GCC2: variants seen among roughly 807,000 people sequenced by gnomAD.
GCC2 encodes the protein GRIP and coiled-coil domain-containing protein 2.
A neutral mutation model predicts 210.6 loss-of-function variants in GCC2; 120 were observed. That is an observed-to-expected ratio of 0.57 (90% CI 0.49 to 0.66). GCC2 has a LOEUF of 0.66. Ranked by LOEUF, GCC2 falls within the 30% of genes least tolerant of loss-of-function variation. GCC2 has a pLI of 0.00. For synonymous variants in GCC2, 703 were observed against 652.7 expected (o/e 1.08, Z -1.17); for missense variants, 1,868 against 1,871.9 (o/e 1.00, Z 0.04).
At chr2:108,491,945 G>A (rs1009950475) in intron 18 of GCC2, among the ~76,000 whole-genome samples, 1 of 152,002 alleles carries the variant, frequency 6.6e-6, no homozygotes, top group South Asian at 2.1e-4. Flanking sequence ...AACCACTACT[G>A]AGATCCTGAT....
intron 9 of GCC2, among the ~76,000 whole-genome samples, chr2:108,479,477 C>A (rs1160721026): frequency 6.6e-6 from 1 of 152,000 alleles, no homozygotes; most frequent in Non-Finnish European, 1.5e-5. Context: ...CCTGTCTCTA[C>A]TAAAACTGCA....
chr2:108,476,654 T>G (rs1378086028), intron 9 of GCC2, among the ~76,000 whole-genome samples: 16 of 152,274 alleles, frequency 1.1e-4, no homozygotes, highest in Non-Finnish European at 2.2e-4. Flanking sequence ...AAAATTAAAG[T>G]ACAACAAAAT....
intron 19 of GCC2, chr2:108,493,704 T>G: frequency 1.0e-6 from 1 of 985,426 alleles, no homozygotes; most frequent in Non-Finnish European, 1.2e-6. Context: ...TGGGAAATAT[T>G]GTCACTGGAG....
chr2:108,505,536 T>G (rs1204223494), intron 22 of GCC2, among the ~76,000 whole-genome samples: 1 of 152,176 alleles, frequency 6.6e-6, no homozygotes, highest in Non-Finnish European at 1.5e-5. Context: ...GTGGCTTCTA[T>G]CTTGCTAGCG....
intron 22 of GCC2, among the ~76,000 whole-genome samples, chr2:108,500,762 C>CT (rs1446831367): frequency 6.6e-6 from 1 of 152,314 alleles, no homozygotes; most frequent in Non-Finnish European, 1.5e-5. Context: ...TCACCCATCT[C>CT]TAAGTTTTCA....
chr2:108,450,463 A>G (rs1403245891), intron 2 of GCC2, among the ~76,000 whole-genome samples: 3 of 152,254 alleles, frequency 2.0e-5, no homozygotes, highest in Admixed American at 2.0e-4. Flanking sequence ...ATCAAAAGCT[A>G]GCAATGTCAA....
intron 9 of GCC2, among the ~76,000 whole-genome samples, chr2:108,479,541 T>C (rs1681727197): frequency 6.6e-6 from 1 of 151,988 alleles, no homozygotes; most frequent in South Asian, 2.1e-4. Flanking sequence ...CTTGGGAGGC[T>C]GAGGGAGGAG....
intron 9 of GCC2, among the ~76,000 whole-genome samples, chr2:108,477,047 T>C (rs10195484): frequency 0.013 from 1,977 of 152,272 alleles, 46 homozygotes; most frequent in African/African-American, 0.044. Flanking sequence ...AGTTCTCAGA[T>C]TGGTTTATAA....
In GCC2 at chr2:108,484,394, C is replaced by A. The variant is rs1166914072; in HGVS notation, c.3613+83C>A. On this transcript the variant is annotated intron_variant, in intron 13 of 22. Transcript: ENST00000309863. The stretch of plus-strand genomic sequence containing the variant: ...GGTGGGGGGCATTACTTGTTTATTT[C>A]ACCAGTCTTTCACTGTCAGTCAGGT... 5 of 761,992 alleles carry A rather than the reference C, an allele frequency of 6.6e-6. 1 individual carries two copies. The African/African-American group carries it at 8.9e-5, about 14-fold the overall frequency. 47.2% of individuals were successfully genotyped at this position (761,992 alleles called of 1,614,324 possible).
At chr2:108,458,878 G>A (rs1680404793) in intron 4 of GCC2, among the ~76,000 whole-genome samples, 1 of 151,834 alleles carries the variant, frequency 6.6e-6, no homozygotes, top group South Asian at 2.1e-4. Flanking sequence ...TTTTCATTTT[G>A]TTGATCCTCT....
intron 4 of GCC2, among the ~76,000 whole-genome samples, chr2:108,452,765 C>G (rs1486346118): frequency 7.1e-6 from 1 of 140,290 alleles, no homozygotes; most frequent in East Asian, 2.1e-4. Context: ...GTGATCTTGG[C>G]TCACTGTAAC....
At chr2:108,483,718 A>G (rs894713150) in intron 12 of GCC2, among the ~76,000 whole-genome samples, 2 of 152,182 alleles carry the variant, frequency 1.3e-5, no homozygotes, top group Non-Finnish European at 2.9e-5. Flanking sequence ...TTTTGTATAC[A>G]TGATTGTTGT....
In GCC2 at chr2:108,507,747, T is replaced by A. The variant is rs1683275302; in HGVS notation, c.*117T>A. The A allele has an allele frequency of 1.4e-6, 1 of 731,434 alleles. No individual in the cohort carries two copies. The highest frequency in any genetic ancestry group is 2.7e-5 in the East Asian group (1 of 37,688). 45.3% of individuals were successfully genotyped at this position (731,434 alleles called of 1,614,324 possible). On this transcript the variant is annotated 3_prime_UTR_variant, in exon 23 of 23. Transcript: ENST00000309863. ...GTATATATGTTTGCATCTACATATA[T>A]TTGTACATCTATATGACAGATGTAT... is the stretch of plus-strand genomic sequence containing the variant.
intron 7 of GCC2, among the ~76,000 whole-genome samples, chr2:108,474,612 G>A (rs142428613): frequency 1.4e-3 from 219 of 152,278 alleles, no homozygotes; most frequent in African/African-American, 4.9e-3. Context: ...GAGGGACCGG[G>A]TGGTTTAATT....
intron 4 of GCC2, among the ~76,000 whole-genome samples, chr2:108,467,717 A>G (rs1680978179): frequency 1.3e-5 from 2 of 152,182 alleles, no homozygotes; most frequent in South Asian, 4.1e-4. Flanking sequence ...TTGTCATAAA[A>G]TGGGTCTTTG....
At chr2:108,468,307 C>T (rs1478755815) in intron 4 of GCC2, among the ~76,000 whole-genome samples, 1 of 152,152 alleles carries the variant, frequency 6.6e-6, no homozygotes, top group Admixed American at 6.5e-5. Context: ...CTCAAGTGAT[C>T]TGCCCACCTC....
intron 21 of GCC2, 90 bp downstream of exon 21, chr2:108,497,199 C>T: frequency 1.9e-6 from 3 of 1,599,184 alleles, no homozygotes; most frequent in Non-Finnish European, 2.6e-6. Context: ...TCACTGCAAG[C>T]TCCACCTCCC....
At chr2:108,483,020 T>G (rs758110908) in intron 11 of GCC2, 42 bp from the exon 12 acceptor site, 1 of 1,006,468 alleles carries the variant, frequency 9.9e-7, no homozygotes, top group East Asian at 2.4e-5. Context: ...ACCTTTTTAA[T>G]ATTGGTTGGG....
intron 4 of GCC2, among the ~76,000 whole-genome samples, chr2:108,468,408 C>T (rs1170585416): frequency 1.3e-5 from 2 of 152,142 alleles, no homozygotes; most frequent in Non-Finnish European, 2.9e-5. Flanking sequence ...TTTTTTGGAA[C>T]TTCTGTCTTT....
Sources: gnomAD v4.1 joint callset for allele counts (sites outside exome capture counted in the v4.1 genomes callset) on GRCh38, gnomAD v4.1.1 for gene constraint, MANE v1.5 for transcripts, NCBI Gene and HGNC (gene_info 2026-07-23, HGNC 2026-07-21) for gene names.